Variants in MPP7 observed in about 807,000 individuals in gnomAD.
The protein encoded by MPP7 is MAGUK p55 scaffold protein 7, also known as MAGUK p55 subfamily member 7.
In MPP7, 60 loss-of-function variants were observed where a neutral mutation model predicts 76.5. That is an observed-to-expected ratio of 0.78 (90% CI 0.64 to 0.97). The LOEUF is 0.97. Ranked by LOEUF, MPP7 falls within the 50% of genes least tolerant of loss-of-function variation. The pLI is 0.00. For missense variants in MPP7, 641 were observed against 694.0 expected, an observed-to-expected ratio of 0.92 and a Z score of 0.86; for synonymous variants, 237 against 244.5, an observed-to-expected ratio of 0.97 and a Z score of 0.29.
At chr10:28,184,632 T>C (rs1031506331) in intron 3 of MPP7, among the ~76,000 whole-genome samples, 5 of 149,432 alleles carry the variant, frequency 3.3e-5, no homozygotes, top group Admixed American at 1.3e-4. Flanking sequence ...CACTTGAACC[T>C]GGGAGGCAGA....
intron 1 of MPP7, among the ~76,000 whole-genome samples, chr10:28,275,977 T>A (rs1482515792): frequency 1.3e-5 from 2 of 151,764 alleles, no homozygotes; most frequent in Non-Finnish European, 2.9e-5. Flanking sequence ...ATAGTAGGTC[T>A]GCAATAAAGA....
At chr10:28,148,405 C>A (rs527338764) in intron 4 of MPP7, among the ~76,000 whole-genome samples, 1 of 152,254 alleles carries the variant, frequency 6.6e-6, no homozygotes, top group African/African-American at 2.4e-5. Flanking sequence ...AAATACGTGG[C>A]ATATGTATAG....
Position 28,098,457 on chromosome 10 carries a change from T to C in MPP7, c.953-8616A>G, listed in dbSNP as rs115248596. On this transcript the variant is annotated intron_variant, in intron 11 of 16. Transcript: ENST00000683449. ...AATGGTTGTGTTAGGTAGAGAGGGC[T>C]GTGGACAATTACTTGTTCTATTTTT... Among the ~76,000 whole-genome samples the C allele has an allele frequency of 3.9e-3, 593 of 151,950 alleles. 2 individuals are homozygous for C. Among genetic ancestry groups the C allele is most frequent in the African/African-American group, 0.014 (565 of 41,544 alleles).
At chr10:28,138,735 A>G (rs1835422555) in intron 5 of MPP7, among the ~76,000 whole-genome samples, 1 of 152,246 alleles carries the variant, frequency 6.6e-6, no homozygotes. Context: ...AAAATGAACA[A>G]AATCACAATC....
intron 1 of MPP7, among the ~76,000 whole-genome samples, chr10:28,274,187 C>G (rs1425832447): frequency 6.8e-6 from 1 of 148,020 alleles, no homozygotes; most frequent in Non-Finnish European, 1.5e-5. Flanking sequence ...ACTGCAAGCT[C>G]TGCCTCCCAG....
intron 2 of MPP7, among the ~76,000 whole-genome samples, chr10:28,222,957 AC>A (rs985356446): frequency 2.7e-5 from 4 of 150,528 alleles, no homozygotes; most frequent in African/African-American, 7.3e-5. Flanking sequence ...AGATGGTGAA[AC>A]CCTGTCTCTA....
At chr10:28,096,818 G>A (rs1853591529) in intron 11 of MPP7, among the ~76,000 whole-genome samples, 1 of 152,038 alleles carries the variant, frequency 6.6e-6, no homozygotes, top group Admixed American at 6.6e-5. Flanking sequence ...GGGAAGTGTG[G>A]CTGTAACTTT....
At chr10:28,310,914 A>G (rs887041675) in intron 2 of MPP7, among the ~76,000 whole-genome samples, 3 of 152,214 alleles carry the variant, frequency 2.0e-5, no homozygotes, top group African/African-American at 7.2e-5. Context: ...CAAAACCCTT[A>G]ATTAATTTTG....
chr10:28,327,798 G>A (rs528743873), intron 2 of MPP7, among the ~76,000 whole-genome samples: 61 of 152,266 alleles, frequency 4.0e-4, no homozygotes, highest in African/African-American at 1.3e-3. Context: ...CATTATATTC[G>A]TGAGTGTGCA....
chr10:28,129,525 T>C (rs1161541775), intron 6 of MPP7, among the ~76,000 whole-genome samples: 1 of 151,534 alleles, frequency 6.6e-6, no homozygotes, highest in Non-Finnish European at 1.5e-5. Context: ...GAAGCGGAGG[T>C]TGCAGTGAGC....
chr10:28,319,593 G>A (rs1277101306), intron 2 of MPP7, among the ~76,000 whole-genome samples: 1 of 152,168 alleles, frequency 6.6e-6, no homozygotes, highest in East Asian at 1.9e-4. Flanking sequence ...TCAGTTAACT[G>A]TATTATGACT....
intron 5 of MPP7, among the ~76,000 whole-genome samples, chr10:28,132,226 G>T (rs73606079): frequency 0.015 from 2,283 of 152,052 alleles, 65 homozygotes; most frequent in African/African-American, 0.05. Flanking sequence ...ACTACTATGT[G>T]TATAAAAGAA....
chr10:28,271,028 T>C (rs1034491705), intron 1 of MPP7, among the ~76,000 whole-genome samples: 3 of 152,228 alleles, frequency 2.0e-5, no homozygotes, highest in African/African-American at 7.2e-5. Context: ...TACCTTGTCA[T>C]GACCAGCAAC....
chr10:28,262,371 C>T lies in MPP7; in HGVS notation c.-131-23636G>A, dbSNP rs1460655087. Among the ~76,000 whole-genome samples the T allele has an allele frequency of 2.7e-5, 4 of 147,702 alleles. No individual in the cohort carries two copies. The East Asian group carries it at 6.1e-4, about 23-fold the overall frequency. ...TCGGCCTCCCAAAGTGCTGGGATTA[C>T]AGGTGTGAGCCACCATGCCCAGCCA... On this transcript the variant is annotated intron_variant, in intron 1 of 16. Transcript: ENST00000683449.
At chr10:28,245,623 T>C (rs904245582) in intron 1 of MPP7, among the ~76,000 whole-genome samples, 2 of 151,752 alleles carry the variant, frequency 1.3e-5, no homozygotes, top group African/African-American at 4.8e-5. Flanking sequence ...ATCTAACCCA[T>C]ATATAGCAGC....
chr10:28,083,285 C>A (rs1044803633), intron 12 of MPP7, among the ~76,000 whole-genome samples: 2 of 152,134 alleles, frequency 1.3e-5, no homozygotes, highest in Non-Finnish European at 2.9e-5. Flanking sequence ...ATAGGGAATA[C>A]TTCTGAAGGA....
intron 12 of MPP7, among the ~76,000 whole-genome samples, chr10:28,087,825 C>G (rs1443988552): frequency 6.6e-6 from 1 of 152,118 alleles, no homozygotes; most frequent in African/African-American, 2.4e-5. Flanking sequence ...GGGAGAGGAG[C>G]AGGAGGTCTC....
intron 3 of MPP7, among the ~76,000 whole-genome samples, chr10:28,178,769 C>T (rs1172607210): frequency 2.0e-5 from 3 of 152,020 alleles, no homozygotes; most frequent in Non-Finnish European, 4.4e-5. Flanking sequence ...AAAAAGGGGG[C>T]TTTTGTTTTG....
intron 11 of MPP7, among the ~76,000 whole-genome samples, chr10:28,108,365 G>T (rs943073449): frequency 6.6e-6 from 1 of 152,114 alleles, no homozygotes; most frequent in Admixed American, 6.6e-5. Flanking sequence ...ATCTCTAAAT[G>T]TGTTTCTGGT....
Sources: allele counts gnomAD v4.1 joint callset (sites outside exome capture counted in the v4.1 genomes callset), GRCh38; gene constraint gnomAD v4.1.1; transcripts MANE v1.5; gene names NCBI Gene and HGNC (gene_info 2026-07-23, HGNC 2026-07-21).